Variants in REEP3 observed in about 807,000 individuals in gnomAD.
The protein encoded by REEP3 is receptor expression-enhancing protein 3.
Under a neutral mutation model 41.3 loss-of-function variants are expected in REEP3, and 20 were observed. The observed-to-expected ratio is 0.48, with a 90% confidence interval of 0.34 to 0.70. The LOEUF is 0.70. Ranked by LOEUF, REEP3 falls within the 30% of genes least tolerant of loss-of-function variation. The pLI is 0.01. For missense variants in REEP3, 271 were observed against 308.8 expected (o/e 0.88, Z 0.92); for synonymous variants, 104 against 101.8 (o/e 1.02, Z -0.13).
intron 6 of REEP3, among the ~76,000 whole-genome samples, chr10:63,617,677 GGC>G (rs1956321590): frequency 6.9e-6 from 1 of 144,918 alleles, no homozygotes; most frequent in Non-Finnish European, 1.5e-5. Flanking sequence ...TGGCATTACA[GGC>G]ATGAGCCACC....
chr10:63,614,702 T>A (rs1956299832), intron 6 of REEP3, among the ~76,000 whole-genome samples: 1 of 152,194 alleles, frequency 6.6e-6, no homozygotes, highest in Non-Finnish European at 1.5e-5. Context: ...TCTGAGATGT[T>A]AAGGGAAGGG....
chr10:63,606,485 A>T (rs2133424017), intron 5 of REEP3, among the ~76,000 whole-genome samples: 1 of 152,228 alleles, frequency 6.6e-6, no homozygotes, highest in Non-Finnish European at 1.5e-5. Context: ...TCCTGGCCTC[A>T]TGTGATCCTC....
intron 2 of REEP3, among the ~76,000 whole-genome samples, chr10:63,592,015 T>TTCTGTG (rs1246249278): frequency 1.3e-5 from 2 of 152,234 alleles, no homozygotes; most frequent in Non-Finnish European, 2.9e-5. Flanking sequence ...GCTTTTATTT[T>TTCTGTG]TCTGTGAATT....
Position 63,569,401 on chromosome 10 carries a change from G to A in REEP3, c.105+2991G>A, listed in dbSNP as rs141329959. On this transcript the variant is annotated intron_variant, in intron 2 of 7. Coordinates refer to ENST00000373758, the MANE Select transcript of REEP3 (RefSeq NM_001001330.3). ...GAAGCCCGGGATATATAATAATTTG[G>A]TGTGCTGCTGTGTGTGTGTGTGCAT... 3.3e-3 allele frequency among the ~76,000 whole-genome samples: 497 copies of A among 151,504 alleles called. 2 individuals carry two copies. The highest frequency in any genetic ancestry group is 0.012 in the African/African-American group (482 of 41,276).
At chr10:63,612,394 A>T (rs1956283131) in intron 6 of REEP3, among the ~76,000 whole-genome samples, 1 of 149,286 alleles carries the variant, frequency 6.7e-6, no homozygotes, top group Admixed American at 6.7e-5. Flanking sequence ...CTGGCCTCAA[A>T]CTCCTGGGCT....
intron 1 of REEP3, among the ~76,000 whole-genome samples, chr10:63,535,003 C>T (rs1177631606): frequency 1.3e-5 from 2 of 152,188 alleles, no homozygotes; most frequent in African/African-American, 4.8e-5. Flanking sequence ...ATTCTTTCCT[C>T]ACCTTTATCT....
At chr10:63,586,587 T>G (rs1169886872) in intron 2 of REEP3, among the ~76,000 whole-genome samples, 1 of 152,214 alleles carries the variant, frequency 6.6e-6, no homozygotes, top group Admixed American at 6.5e-5. Flanking sequence ...GCCATTTCAT[T>G]GTGACCACTT....
In REEP3 at chr10:63,526,270, A is replaced by T. The variant is rs149386694; in HGVS notation, c.32+4693A>T. 8.5e-3 allele frequency among the ~76,000 whole-genome samples: 1,292 copies of T among 152,156 alleles called. 14 individuals are homozygous for T. The highest frequency in any genetic ancestry group is 0.027 in the East Asian group (138 of 5,182). ...TTAGTATCTTCTGTTTGATCAGGCC[A>T]GTATTATTTTCTTAGCCATTCATCT... On this transcript the variant is annotated intron_variant, in intron 1 of 7. Transcript: ENST00000373758.
chr10:63,573,092 C>T (rs756567795), intron 2 of REEP3, among the ~76,000 whole-genome samples: 3 of 152,154 alleles, frequency 2.0e-5, no homozygotes, highest in Non-Finnish European at 4.4e-5. Context: ...TACTTCTTCC[C>T]ACCCCCAACT....
chr10:63,588,974 G>A (rs1956032637), intron 2 of REEP3, among the ~76,000 whole-genome samples: 2 of 152,200 alleles, frequency 1.3e-5, no homozygotes, highest in African/African-American at 4.8e-5. Flanking sequence ...TAAAAGAGCA[G>A]GTGTGGCTGA....
chr10:63,583,539 A>T (rs1955975009), intron 2 of REEP3, among the ~76,000 whole-genome samples: 1 of 152,156 alleles, frequency 6.6e-6, no homozygotes, highest in Non-Finnish European at 1.5e-5. Flanking sequence ...TGGCTCGGTT[A>T]ATGTCCTTTG....
At chr10:63,602,439 C>A (rs1327831971) in intron 5 of REEP3, among the ~76,000 whole-genome samples, 4 of 152,036 alleles carry the variant, frequency 2.6e-5, no homozygotes, top group Non-Finnish European at 5.9e-5. Context: ...TTATTTACAC[C>A]CAATGAAGAT....
intron 1 of REEP3, among the ~76,000 whole-genome samples, chr10:63,550,096 G>A (rs1182004864): frequency 6.6e-6 from 1 of 152,224 alleles, no homozygotes; most frequent in Non-Finnish European, 1.5e-5. Context: ...CAGTAAATCC[G>A]ATGAGATGGC....
chr10:63,579,889 G>A (rs1480217594), intron 2 of REEP3, among the ~76,000 whole-genome samples: 1 of 152,102 alleles, frequency 6.6e-6, no homozygotes, highest in Non-Finnish European at 1.5e-5. Flanking sequence ...AAACTCAACT[G>A]CTACCACCCT....
At chr10:63,610,458 G>A in intron 6 of REEP3, 124 bp downstream of exon 6, 1 of 861,808 alleles carries the variant, frequency 1.2e-6, no homozygotes, top group East Asian at 2.7e-5. Context: ...AATACCTAAT[G>A]CATACGGGGC....
At chr10:63,531,537 T>G (rs1399709282) in intron 1 of REEP3, among the ~76,000 whole-genome samples, 2 of 152,236 alleles carry the variant, frequency 1.3e-5, no homozygotes, top group African/African-American at 4.8e-5. Context: ...CTGTGCTATC[T>G]CATATGGTTA....
chr10:63,571,759 A>G (rs1328725997), intron 2 of REEP3, among the ~76,000 whole-genome samples: 1 of 152,198 alleles, frequency 6.6e-6, no homozygotes, highest in African/African-American at 2.4e-5. Context: ...CAGTTGTTCT[A>G]ACTGCAGTCT....
intron 2 of REEP3, among the ~76,000 whole-genome samples, chr10:63,580,912 T>G (rs888308640): frequency 6.6e-6 from 1 of 152,038 alleles, no homozygotes; most frequent in Admixed American, 6.6e-5. Flanking sequence ...CTTGGGAGAC[T>G]AAAACAAGAG....
chr10:63,568,650 A>AT (rs10622553), intron 2 of REEP3, among the ~76,000 whole-genome samples: 3,572 of 109,112 alleles, frequency 0.033, 188 homozygotes, highest in African/African-American at 0.09. Context: ...ACAACCCAGA[A>AT]TTTTTTTTTT....
Sources: gnomAD v4.1 joint callset for allele counts (sites outside exome capture counted in the v4.1 genomes callset) on GRCh38, gnomAD v4.1.1 for gene constraint, MANE v1.5 for transcripts, NCBI Gene and HGNC (gene_info 2026-07-23, HGNC 2026-07-21) for gene names.